UPP2: variants seen among roughly 807,000 people sequenced by gnomAD.
UPP2 encodes uridine phosphorylase 2.
UPP2 carries 23 observed loss-of-function variants against 26.7 expected under a neutral mutation model. The observed-to-expected ratio is 0.86, with a 90% confidence interval of 0.62 to 1.22. The LOEUF (loss-of-function observed/expected upper bound fraction) is 1.22. Among genes scored for constraint, UPP2 ranks in the 50% most tolerant of loss-of-function variants. The pLI is 0.00. For missense variants in UPP2, 387 were observed against 396.7 expected, an observed-to-expected ratio of 0.98 and a Z score of 0.21; for synonymous variants, 127 against 141.3, an observed-to-expected ratio of 0.90 and a Z score of 0.72.
rs368503734 is a variant in UPP2, at chr2:158,044,866, C to T, written c.147+28980C>T. ...TCCCTACCAATCACAGCCTTAACTC[C>T]GCTCCATGTGTCTGAACAGCAGTCC... On this transcript the variant is annotated intron_variant, in intron 3 of 9. Transcript: ENST00000605860. Among the ~76,000 whole-genome samples, 100 of 152,190 alleles carry T rather than the reference C, an allele frequency of 6.6e-4. 4 individuals are homozygous for T. The South Asian group carries it at 0.017, about 27-fold the overall frequency.
chr2:158,074,517 T>G (rs2105189755), intron 3 of UPP2, among the ~76,000 whole-genome samples: 1 of 152,236 alleles, frequency 6.6e-6, no homozygotes, highest in Admixed American at 6.5e-5. Context: ...GACATCACTT[T>G]AAAACAACGG....
At position 158,102,079 on chromosome 2, in the gene UPP2, C is replaced by A; in HGVS notation, c.16C>A (p.Pro6Thr). MASVI[P>T]ASNRSMRSDR... is the part of the protein sequence containing the mutation. ...AGTAGAGAGAATGGCTTCAGTTATACCTGCCTCCAATAGGTCCATGAGATC... is the reference window on the plus strand; with the variant it reads ...AGTAGAGAGAATGGCTTCAGTTATAACTGCCTCCAATAGGTCCATGAGATC... The change falls in exon 1 of 7, where the codon CCT becomes ACT. Residue 6 changes from proline (P) to threonine (T), a missense_variant. By Grantham distance (38) the Pro-to-Thr change is conservative. Transcript: ENST00000005756. 1 of 1,613,416 alleles carries A rather than the reference C, an allele frequency of 6.2e-7. No individual in the cohort carries two copies. Among genetic ancestry groups the A allele is most frequent in the Non-Finnish European group, 8.5e-7 (1 of 1,179,698 alleles).
At chr2:158,052,771 A>G (rs577474397) in intron 3 of UPP2, among the ~76,000 whole-genome samples, 1 of 152,328 alleles carries the variant, frequency 6.6e-6, no homozygotes, top group East Asian at 1.9e-4. Context: ...AGGAACTGGT[A>G]AATGTTTTCT....
intron 3 of UPP2, among the ~76,000 whole-genome samples, chr2:158,052,725 GT>G (rs1289306903): frequency 1.3e-5 from 2 of 152,100 alleles, no homozygotes; most frequent in African/African-American, 4.8e-5. Context: ...CTTCTTCACT[GT>G]CGTCATCATC....
At chr2:158,110,928 A>G (rs146625474) in intron 2 of UPP2, among the ~76,000 whole-genome samples, 1 of 152,244 alleles carries the variant, frequency 6.6e-6, no homozygotes, top group East Asian at 1.9e-4. Context: ...AGATAAGTAG[A>G]TTGCAAAAAT....
intron 3 of UPP2, among the ~76,000 whole-genome samples, chr2:158,072,487 G>A (rs1289130485): frequency 6.6e-6 from 1 of 152,066 alleles, no homozygotes; most frequent in African/African-American, 2.4e-5. Flanking sequence ...GTGAACACAG[G>A]CAGTAGCCAA....
chr2:158,083,684 T>C (rs902699824), intron 3 of UPP2, among the ~76,000 whole-genome samples: 11 of 151,668 alleles, frequency 7.3e-5, no homozygotes, highest in Non-Finnish European at 1.6e-4. Flanking sequence ...TGTGCATGTA[T>C]CCCAGAACTT....
At chr2:158,132,659 T>A (rs1301901924) in intron 6 of UPP2, among the ~76,000 whole-genome samples, 1 of 151,978 alleles carries the variant, frequency 6.6e-6, no homozygotes, top group Non-Finnish European at 1.5e-5. Context: ...ACACAGAACA[T>A]ACAAGGAACT....
At chr2:158,024,533 A>C (rs984185508) in intron 3 of UPP2, among the ~76,000 whole-genome samples, 1 of 152,210 alleles carries the variant, frequency 6.6e-6, no homozygotes, top group African/African-American at 2.4e-5. Flanking sequence ...AAGAGCTCAG[A>C]GAGTTACCAT....
intron 3 of UPP2, among the ~76,000 whole-genome samples, chr2:158,093,269 CAT>C (rs1211924305): frequency 4.3e-5 from 5 of 115,192 alleles, no homozygotes; most frequent in East Asian, 7.1e-4. Context: ...TAAAAAGAAA[CAT>C]ACACACACAC....
At chr2:158,115,535 C>A (rs1683411621) in intron 3 of UPP2, among the ~76,000 whole-genome samples, 1 of 152,068 alleles carries the variant, frequency 6.6e-6, no homozygotes, top group African/African-American at 2.4e-5. Flanking sequence ...GTTAACACCC[C>A]TCACCCCCGC....
chr2:158,074,107 G>A (rs2105189445), intron 3 of UPP2, among the ~76,000 whole-genome samples: 1 of 152,296 alleles, frequency 6.6e-6, no homozygotes, highest in Admixed American at 6.5e-5. Flanking sequence ...GAGCTGGGAT[G>A]CAGAGGTTTC....
intron 3 of UPP2, among the ~76,000 whole-genome samples, chr2:158,091,661 G>A (rs887823854): frequency 6.6e-6 from 1 of 152,096 alleles, no homozygotes; most frequent in Admixed American, 6.5e-5. Flanking sequence ...GCTGATCTTC[G>A]TGGGCTTGCT....
intron 3 of UPP2, among the ~76,000 whole-genome samples, chr2:158,087,474 C>T (rs1682835259): frequency 6.6e-6 from 1 of 152,142 alleles, no homozygotes; most frequent in Non-Finnish European, 1.5e-5. Context: ...AGCATTTTGA[C>T]CATTTACATT....
chr2:158,007,629 C>CTTT (rs201694046), intron 2 of UPP2, among the ~76,000 whole-genome samples: 2 of 142,634 alleles, frequency 1.4e-5, no homozygotes, highest in African/African-American at 2.6e-5. Context: ...CTCTCTCTCT[C>CTTT]TTTTTTTTTT....
At chr2:158,117,715 A>C in intron 3 of UPP2, 109 bp from the exon 4 acceptor site, 1 of 838,732 alleles carries the variant, frequency 1.2e-6, no homozygotes, top group Non-Finnish European at 1.9e-6. Flanking sequence ...AGTCTTAATG[A>C]TTATGTAAAT....
chr2:158,034,217 A>G (rs1683967094), intron 3 of UPP2, among the ~76,000 whole-genome samples: 1 of 152,036 alleles, frequency 6.6e-6, no homozygotes, highest in Non-Finnish European at 1.5e-5. Context: ...CATTTTTACC[A>G]TCAGGGTGCT....
At chr2:158,024,751 A>G (rs1218237119) in intron 3 of UPP2, among the ~76,000 whole-genome samples, 1 of 152,184 alleles carries the variant, frequency 6.6e-6, no homozygotes, top group African/African-American at 2.4e-5. Flanking sequence ...AAAAAGCCAT[A>G]GTCTTTGCAA....
intron 6 of UPP2, chr2:158,127,991 A>G (rs1477424559): frequency 1.0e-6 from 1 of 985,266 alleles, no homozygotes; most frequent in African/African-American, 1.7e-5. Flanking sequence ...TAAGCCCCAA[A>G]CATTCTGATG....
Sources: gnomAD v4.1 joint callset for allele counts (sites outside exome capture counted in the v4.1 genomes callset) on GRCh38, gnomAD v4.1.1 for gene constraint, MANE v1.5 for transcripts, NCBI Gene and HGNC (gene_info 2026-07-23, HGNC 2026-07-21) for gene names.